PIAS4: variants seen among roughly 807,000 people sequenced by gnomAD.
PIAS4 encodes the protein E3 SUMO-protein ligase PIAS4.
A neutral mutation model predicts 58.0 loss-of-function variants in PIAS4; 7 were observed. That is an observed-to-expected ratio of 0.12 (90% CI 0.07 to 0.23). The LOEUF (loss-of-function observed/expected upper bound fraction) is 0.23, where lower values mean the gene tolerates loss of function less well. Ranked by LOEUF, PIAS4 falls within the 10% of genes least tolerant of loss-of-function variation. The pLI, the probability that PIAS4 is intolerant of heterozygous loss-of-function variation, is 1.00. For synonymous variants in PIAS4, 364 were observed against 312.4 expected (o/e 1.17, Z -1.74); for missense variants, 550 against 709.5 (o/e 0.78, Z 2.55).
chr19:4,020,560 C>T (rs1017829340), intron 2 of PIAS4, among the ~76,000 whole-genome samples: 1 of 152,228 alleles, frequency 6.6e-6, no homozygotes, highest in Non-Finnish European at 1.5e-5. Context: ...CAGATGCCTT[C>T]TCTCCATTTT....
chr19:4,037,146 C>T lies in PIAS4; in HGVS notation c.1143-228C>T, dbSNP rs548988735. Among the ~76,000 whole-genome samples, 7 of 152,344 alleles carry T rather than the reference C, an allele frequency of 4.6e-5. No individual in the cohort carries two copies. The East Asian group carries it at 1.3e-3, about 29-fold the overall frequency. ...GGGTATGTGTGTCCATGCCCCGTCC[C>T]CCCGGCAGTGCCGTGCACTGCAGAC... On this transcript the variant is annotated intron_variant, in intron 9 of 10. Transcript: ENST00000262971. This position sits in a 1 kb window ranked among gnomAD's most constrained non-coding sequence, Gnocchi z 5.8.
Position 4,024,098 on chromosome 19 carries a change from G to T in PIAS4, c.517G>T (p.Val173Leu). 1 of 1,613,848 alleles carries T rather than the reference G, an allele frequency of 6.2e-7. No homozygotes were observed. The highest frequency in any genetic ancestry group is 1.3e-5 in the African/African-American group (1 of 75,034). Residue 173 changes from valine to leucine, a missense_variant, in exon 3 of 11, where the codon GTG becomes TTG. Val to Leu is a conservative substitution (Grantham distance 32). This residue lies in a region of PIAS4 where 225 missense variants were observed against 345.8 expected (regional missense o/e 0.65). Coordinates refer to ENST00000262971, the MANE Select transcript of PIAS4 (RefSeq NM_015897.4). ...CATCTTCGCATTGACGCCAAGACAGGTGGAGTTGATCCGGAACTCCAGGTG... is the reference window on the plus strand; with the variant it reads ...CATCTTCGCATTGACGCCAAGACAGTTGGAGTTGATCCGGAACTCCAGGTG... The part of the protein sequence containing the change: ...PCIFALTPRQ[V>L]ELIRNSRELQ...
At chr19:4,012,178 A>G (rs2144905820) in intron 1 of PIAS4, among the ~76,000 whole-genome samples, 1 of 152,028 alleles carries the variant, frequency 6.6e-6, no homozygotes, top group Non-Finnish European at 1.5e-5. Flanking sequence ...TGGGATGATC[A>G]GCAGATGTTT....
In PIAS4 at chr19:4,028,451, G is replaced by A. The variant is rs907357177; in HGVS notation, c.582-59G>A. On this transcript the variant is annotated intron_variant, in intron 4 of 10. Transcript: ENST00000262971. Reference sequence around the variant, plus strand: ...TGGCTACCACTCGTGTACCCCCGCAGCAGCCTAGTCCCTCCTGTGCGCCCC... The same window carrying A: ...TGGCTACCACTCGTGTACCCCCGCAACAGCCTAGTCCCTCCTGTGCGCCCC... The A allele has an allele frequency of 1.4e-5, 18 of 1,275,566 alleles. No homozygotes were observed. The African/African-American group carries it at 2.7e-4, about 19-fold the overall frequency. The allele number at this position is 1,275,566 out of a possible 1,614,324, so 79.0% of individuals were successfully genotyped here. A position where few individuals can be genotyped will look rare whatever the true frequency, so the allele number is the denominator to read the frequency against.
intron 9 of PIAS4, among the ~76,000 whole-genome samples, chr19:4,034,448 A>C (rs1269162231): frequency 6.6e-6 from 1 of 152,240 alleles, no homozygotes; most frequent in Admixed American, 6.5e-5. Context: ...ACGAGGAAAC[A>C]GGCTCAGAGG....
At chr19:4,036,378 A>G (rs906797598) in intron 9 of PIAS4, among the ~76,000 whole-genome samples, 1 of 129,226 alleles carries the variant, frequency 7.7e-6, no homozygotes. Context: ...CCACACCGTC[A>G]TACACACACA....
At chr19:4,025,147 G>A (rs28666429) in intron 3 of PIAS4, among the ~76,000 whole-genome samples, 7,982 of 152,272 alleles carry the variant, frequency 0.052, 700 homozygotes, top group African/African-American at 0.18. Context: ...TGGTTCCCTC[G>A]GTGGGGCCGT....
intron 2 of PIAS4, among the ~76,000 whole-genome samples, chr19:4,022,367 T>G (rs924926347): frequency 6.6e-5 from 10 of 152,176 alleles, no homozygotes; most frequent in African/African-American, 2.4e-4. Context: ...TGGTTTTTTT[T>G]GAGACAGAGT....
At position 4,038,365 on chromosome 19, in the gene PIAS4, C is replaced by G. The variant is rs940096809; in HGVS notation, c.*490C>G. 6.6e-6 allele frequency: 1 copy of G among 151,012 alleles called. No individual in the cohort carries two copies. The highest frequency in any genetic ancestry group is 1.5e-5 in the Non-Finnish European group (1 of 67,840). The allele number at this position is 151,012 out of a possible 1,614,324, so 9.4% of individuals were successfully genotyped here. On this transcript the variant is annotated 3_prime_UTR_variant, in exon 11 of 11. Transcript: ENST00000262971. This position sits in a 1 kb window ranked among gnomAD's most constrained non-coding sequence, Gnocchi z 4.1. ...TTCCTTTGCTTTTTCTCTGCAAATGCATCCTCGCCCAGAGACCCTCACGCG... is the reference window on the plus strand; with the variant it reads ...TTCCTTTGCTTTTTCTCTGCAAATGGATCCTCGCCCAGAGACCCTCACGCG...
At chr19:4,024,884 G>A (rs1568216696) in intron 3 of PIAS4, among the ~76,000 whole-genome samples, 1 of 152,094 alleles carries the variant, frequency 6.6e-6, no homozygotes, top group African/African-American at 2.4e-5. Context: ...TCCTGCCTCA[G>A]CCTCCCAAGT....
chr19:4,035,443 T>C (rs2040264701), intron 9 of PIAS4, among the ~76,000 whole-genome samples: 1 of 152,152 alleles, frequency 6.6e-6, no homozygotes, highest in Non-Finnish European at 1.5e-5. Flanking sequence ...CCAGTTGGCC[T>C]TGTGGCCTCA....
chr19:4,025,859 G>C (rs1174000122), intron 3 of PIAS4, among the ~76,000 whole-genome samples: 2 of 151,938 alleles, frequency 1.3e-5, no homozygotes, highest in Non-Finnish European at 2.9e-5. Context: ...GGATCACGAG[G>C]TCAGAAGATC....
rs914999897 is a variant in PIAS4 at position 4,012,809 on chromosome 19, C to T, written c.28-114C>T. 1.3e-5 allele frequency: 16 copies of T among 1,194,746 alleles called. No individual in the cohort carries two copies. In the East Asian group the frequency reaches 2.1e-4, roughly 16 times the overall value. The allele number at this position is 1,194,746 out of a possible 1,614,324, so 74.0% of individuals were successfully genotyped here. A position where few individuals can be genotyped will look rare whatever the true frequency, so the allele number is the denominator to read the frequency against. ...CTCCACCAGCCCCAGCCAAGGCTGG[C>T]GCTTCCTGGCGAGTGGGTGTCTTTC... is the stretch of plus-strand genomic sequence containing the variant. On this transcript the variant is annotated intron_variant, in intron 1 of 10. Transcript: ENST00000262971.
chr19:4,036,878 A>G (rs2040301835), intron 9 of PIAS4, among the ~76,000 whole-genome samples: 1 of 151,048 alleles, frequency 6.6e-6, no homozygotes, highest in Non-Finnish European at 1.5e-5. Context: ...CATACAGTCC[A>G]CATTCACGTA....
chr19:4,031,768 G>T (rs2040225189), intron 7 of PIAS4, among the ~76,000 whole-genome samples: 1 of 152,202 alleles, frequency 6.6e-6, no homozygotes, highest in Admixed American at 6.5e-5. Context: ...CTTTCTTGCT[G>T]CACCTAGGAA....
chr19:4,036,296 A>G (rs2040284474), intron 9 of PIAS4, among the ~76,000 whole-genome samples: 1 of 120,074 alleles, frequency 8.3e-6, no homozygotes, highest in African/African-American at 2.7e-5. Context: ...TCACACACAC[A>G]CACATCTATA....
intron 7 of PIAS4, among the ~76,000 whole-genome samples, chr19:4,029,897 A>G (rs2040206534): frequency 1.5e-5 from 2 of 134,362 alleles, no homozygotes; most frequent in South Asian, 2.4e-4. Flanking sequence ...ATCTCGGCTC[A>G]CTGAAACCTC....
At chr19:4,010,338 G>A (rs1300583068) in intron 1 of PIAS4, among the ~76,000 whole-genome samples, 1 of 152,226 alleles carries the variant, frequency 6.6e-6, no homozygotes, top group Non-Finnish European at 1.5e-5. Context: ...TGGGGCAGGG[G>A]CTCCCGGGGT....
In PIAS4 at chr19:4,036,441, AACAC is replaced by A. The variant is rs966414127; in HGVS notation, c.1143-925_1143-922del. Reference sequence around the variant, plus strand: ...TCCGTACAGTCCACACTGTCATACAAACACACACACATCTATACGGTCCACACCG... The same window carrying A: ...TCCGTACAGTCCACACTGTCATACAAACACACATCTATACGGTCCACACCG... On this transcript the variant is annotated intron_variant, in intron 9 of 10. Transcript: ENST00000262971. 1.8e-4 allele frequency among the ~76,000 whole-genome samples: 19 copies of A among 104,774 alleles called. 1 individual carries two copies. The highest frequency in any genetic ancestry group is 2.6e-4 in the Non-Finnish European group (14 of 54,488). 68.7% of individuals were successfully genotyped at this position (104,774 alleles called of 152,430 possible). A position where few individuals can be genotyped will look rare whatever the true frequency, so the allele number is the denominator to read the frequency against.
Sources: gnomAD v4.1 joint callset for allele counts (sites outside exome capture counted in the v4.1 genomes callset) on GRCh38, gnomAD v4.1.1 for gene constraint, gnomAD v4.1.1 regional missense constraint, Gnocchi (gnomAD v3.1) non-coding constraint, MANE v1.5 for transcripts, NCBI Gene and HGNC (gene_info 2026-07-23, HGNC 2026-07-21) for gene names.